CNGB3: variants seen among roughly 807,000 people sequenced by gnomAD.
CNGB3 encodes cyclic nucleotide-gated channel beta-3.
Under a neutral mutation model 92.8 loss-of-function variants are expected in CNGB3, and 86 were observed. That is an observed-to-expected ratio of 0.93 (90% confidence interval 0.78 to 1.11). CNGB3 has a LOEUF of 1.11. Among genes scored for constraint, CNGB3 ranks in the 50% least tolerant of loss-of-function variants. The pLI, the probability that CNGB3 is intolerant of heterozygous loss-of-function variation, is 0.00. For synonymous variants in CNGB3, 333 were observed against 332.7 expected (o/e 1.00, Z -0.01); for missense variants, 1,026 against 956.8 (o/e 1.07, Z -0.95).
chr8:86,608,529 C>T (rs1203317274), intron 14 of CNGB3, among the ~76,000 whole-genome samples: 1 of 152,212 alleles, frequency 6.6e-6, no homozygotes, highest in Non-Finnish European at 1.5e-5. Context: ...GACCTGACAT[C>T]AGTCAGGCTC....
chr8:86,640,048 C>A (rs1823150899), intron 10 of CNGB3, among the ~76,000 whole-genome samples: 1 of 151,982 alleles, frequency 6.6e-6, no homozygotes, highest in Non-Finnish European at 1.5e-5. Flanking sequence ...GTGCAAGATT[C>A]TGTTTGTACC....
At chr8:86,645,088 C>T (rs944343607) in intron 8 of CNGB3, among the ~76,000 whole-genome samples, 1 of 151,250 alleles carries the variant, frequency 6.6e-6, no homozygotes, top group Non-Finnish European at 1.5e-5. Flanking sequence ...GATGTTAAGT[C>T]TTATTGCTCA....
Position 86,726,611 on chromosome 8 carries a change from A to G in CNGB3, c.258T>C (p.Pro86=), listed in dbSNP as rs768570199. Residue 86 remains proline (P), a synonymous_variant, in exon 3 of 18, where the codon CCT becomes CCC. Transcript: ENST00000320005. ...TTGGTTCTGCTGCATTTTGAGGGTC[A>G]GGGTTTGTGGTCAGATCTCCAGAGG... The part of the protein sequence containing the change: ...KNSSGDLTTN[P]DPQNAAEPTG... 5 of 1,613,836 alleles carry G rather than the reference A, an allele frequency of 3.1e-6. No individual in the cohort carries two copies. In the Admixed American group the frequency reaches 8.3e-5, roughly 27 times the overall value.
chr8:86,590,905 A>T (rs1377217706), intron 15 of CNGB3, among the ~76,000 whole-genome samples: 2 of 151,382 alleles, frequency 1.3e-5, no homozygotes, highest in African/African-American at 2.4e-5. Flanking sequence ...AGATTGGGGA[A>T]ATTCTCCTGG....
chr8:86,620,896 A>G (rs2131576210), intron 13 of CNGB3, among the ~76,000 whole-genome samples: 1 of 131,700 alleles, frequency 7.6e-6, no homozygotes, highest in Non-Finnish European at 1.7e-5. Context: ...ACTTGGCTTT[A>G]CAAAAAAAAA....
At chr8:86,733,958 C>T (rs572231418) in intron 2 of CNGB3, among the ~76,000 whole-genome samples, 9 of 152,162 alleles carry the variant, frequency 5.9e-5, no homozygotes, top group African/African-American at 2.2e-4. Context: ...ACCACAAACT[C>T]CTGGGCTCAA....
intron 15 of CNGB3, among the ~76,000 whole-genome samples, chr8:86,586,707 G>T (rs1267863174): frequency 6.6e-6 from 1 of 150,690 alleles, no homozygotes; most frequent in Non-Finnish European, 1.5e-5. Flanking sequence ...TGGTGTATAT[G>T]TGCCATATTT....
intron 3 of CNGB3, among the ~76,000 whole-genome samples, chr8:86,711,869 T>C (rs995499883): frequency 6.7e-6 from 1 of 150,290 alleles, no homozygotes; most frequent in Non-Finnish European, 1.5e-5. Context: ...TAATACATAG[T>C]ATATAAATAT....
rs1038620228 is a variant in CNGB3 at position 86,579,269 on chromosome 8, T to G, written c.1782-17A>C. On this transcript the variant is annotated splice_polypyrimidine_tract_variant and intron_variant, in intron 15 of 17. Transcript: ENST00000320005. ...GCTAGAAGGCTGTAAGAGAGAAAAATGAGTCTTTGCCACCAGTTTCAGTTT... is the reference window on the plus strand; with the variant it reads ...GCTAGAAGGCTGTAAGAGAGAAAAAGGAGTCTTTGCCACCAGTTTCAGTTT... 1.9e-6 allele frequency: 3 copies of G among 1,613,238 alleles called. No individual in the cohort carries two copies. The highest frequency in any genetic ancestry group is 2.5e-6 in the Non-Finnish European group (3 of 1,179,842).
In CNGB3 at chr8:86,685,103, G is replaced by T. The variant is rs1017383508; in HGVS notation, c.339-14005C>A. 3.9e-4 allele frequency among the ~76,000 whole-genome samples: 60 copies of T among 152,058 alleles called. 1 individual carries two copies. Among genetic ancestry groups the T allele is most frequent in the African/African-American group, 1.4e-3 (57 of 41,402 alleles). ...AGATTATTGTACTATAGTTTTGCAA[G>T]ATGTTACAATTGGGGAAACTGGGTA... On this transcript the variant is annotated intron_variant, in intron 3 of 17. Coordinates refer to ENST00000320005, the MANE Select transcript of CNGB3 (RefSeq NM_019098.5).
intron 10 of CNGB3, 62 bp downstream of exon 10, chr8:86,643,689 C>G: frequency 6.4e-7 from 1 of 1,557,052 alleles, no homozygotes; most frequent in African/African-American, 1.4e-5. Context: ...CTCATAAATT[C>G]ATACAATGAA....
Position 86,579,392 on chromosome 8 carries a change from CAG to C in CNGB3, c.1782-142_1782-141del, listed in dbSNP as rs762972084. The C allele has an allele frequency of 1.0e-4, 100 of 979,892 alleles. 1 individual carries two copies. In the South Asian group the frequency reaches 1.2e-3, roughly 12 times the overall value. 60.7% of individuals were successfully genotyped at this position (979,892 alleles called of 1,614,324 possible). ...AGAGGTGAGGGTCCAGGTGATTGTG[CAG>C]AGAGTGTCAAGATGTGGGAATAGAA... On this transcript the variant is annotated intron_variant, in intron 15 of 17. Transcript: ENST00000320005.
At chr8:86,723,544 G>T (rs1210394725) in intron 3 of CNGB3, among the ~76,000 whole-genome samples, 1 of 152,050 alleles carries the variant, frequency 6.6e-6, no homozygotes, top group East Asian at 1.9e-4. Flanking sequence ...TAAAAACTCT[G>T]TCCCTAGGAT....
intron 3 of CNGB3, among the ~76,000 whole-genome samples, chr8:86,721,386 G>A (rs1348818706): frequency 6.6e-6 from 1 of 152,050 alleles, no homozygotes; most frequent in Non-Finnish European, 1.5e-5. Context: ...GCATAAGAAT[G>A]ATACAATGGA....
rs76241312 is a variant in CNGB3, at chr8:86,671,762, G to A, written c.339-664C>T. ...TGTTCACAAGAAAACAGAGACTTCA[G>A]AGGTACAACTGCGGGAACTGATTTT... On this transcript the variant is annotated intron_variant, in intron 3 of 17. Coordinates refer to ENST00000320005, the MANE Select transcript of CNGB3 (RefSeq NM_019098.5). 5.2e-3 allele frequency among the ~76,000 whole-genome samples: 799 copies of A among 152,312 alleles called. 8 individuals carry two copies. The highest frequency in any genetic ancestry group is 0.018 in the African/African-American group (762 of 41,566).
At chr8:86,680,189 C>T (rs533785106) in intron 3 of CNGB3, among the ~76,000 whole-genome samples, 1 of 152,170 alleles carries the variant, frequency 6.6e-6, no homozygotes, top group South Asian at 2.1e-4. Flanking sequence ...AAATGCCATA[C>T]ATCCCGAGAT....
chr8:86,625,229 G>A (rs560487981), intron 13 of CNGB3, among the ~76,000 whole-genome samples: 6 of 152,026 alleles, frequency 3.9e-5, no homozygotes, highest in East Asian at 1.9e-4. Context: ...CATTTTATGC[G>A]TTTATTTTTC....
At chr8:86,668,762 A>G (rs1823799995) in intron 4 of CNGB3, among the ~76,000 whole-genome samples, 1 of 151,846 alleles carries the variant, frequency 6.6e-6, no homozygotes, top group African/African-American at 2.4e-5. Flanking sequence ...TACCTTGGCA[A>G]GGGGGCTTTG....
At chr8:86,741,421 T>C (rs1010630665) in intron 1 of CNGB3, among the ~76,000 whole-genome samples, 4 of 152,262 alleles carry the variant, frequency 2.6e-5, no homozygotes, top group African/African-American at 9.6e-5. Context: ...CCCAACACTT[T>C]GCAAGGACAA....
Sources: gnomAD v4.1 joint callset for allele counts (sites outside exome capture counted in the v4.1 genomes callset) on GRCh38, gnomAD v4.1.1 for gene constraint, MANE v1.5 for transcripts, NCBI Gene and HGNC (gene_info 2026-07-23, HGNC 2026-07-21) for gene names.